The following NOS1 variants were observed in gnomAD, a reference collection of about 807,000 sequenced individuals.
NOS1 encodes the protein NOS type I.
In NOS1, 51 loss-of-function variants were observed where a neutral mutation model predicts 164.5. The ratio of observed to expected loss-of-function variants is 0.31; its 90% CI spans 0.25 to 0.39. The LOEUF (loss-of-function observed/expected upper bound fraction) is 0.39, where lower values mean the gene tolerates loss of function less well. Ranked by LOEUF, NOS1 falls within the 10% of genes least tolerant of loss-of-function variation. The pLI is 1.00. For missense variants in NOS1, 1,362 were observed against 1,885.6 expected, an observed-to-expected ratio of 0.72 and a Z score of 5.14; for synonymous variants, 719 against 745.8, an observed-to-expected ratio of 0.96 and a Z score of 0.59.
chr12:117,236,336 A>C (rs1869703358), intron 20 of NOS1, among the ~76,000 whole-genome samples: 1 of 152,198 alleles, frequency 6.6e-6, no homozygotes, highest in Admixed American at 6.5e-5. Context: ...TTTTGGCTCA[A>C]CCGAGAACCT....
chr12:117,320,927 C>A, intron 2 of NOS1, among the ~76,000 whole-genome samples: 1 of 152,290 alleles, frequency 6.6e-6, no homozygotes, highest in Admixed American at 6.5e-5. Flanking sequence ...TAATGCTCTA[C>A]CAAACCCCAA....
intron 13 of NOS1, among the ~76,000 whole-genome samples, chr12:117,262,772 T>C (rs1459948505): frequency 7.0e-6 from 1 of 143,842 alleles, no homozygotes; most frequent in African/African-American, 2.7e-5. Flanking sequence ...TTCTCTTTTT[T>C]TTGGGGCAGA....
chr12:117,211,617 A>T lies in NOS1; in HGVS notation c.*3692T>A. 1.0e-6 allele frequency: 1 copy of T among 985,416 alleles called. No homozygotes were observed. The highest frequency in any genetic ancestry group is 4.7e-5 in the South Asian group (1 of 21,284). 61.0% of individuals were successfully genotyped at this position (985,416 alleles called of 1,614,324 possible). Reference sequence around the variant, plus strand: ...TCCTCAGCCTTCCAAAGCCAGCCTCAATTTATCTTACATGCTCCCTGTCCG... The same window carrying T: ...TCCTCAGCCTTCCAAAGCCAGCCTCTATTTATCTTACATGCTCCCTGTCCG... On this transcript the variant is annotated 3_prime_UTR_variant, in exon 29 of 29. Transcript: ENST00000317775.
At chr12:117,329,527 A>G (rs1875422425) in intron 2 of NOS1, among the ~76,000 whole-genome samples, 1 of 151,844 alleles carries the variant, frequency 6.6e-6, no homozygotes, top group African/African-American at 2.4e-5. Flanking sequence ...CTAAGATGCA[A>G]ATGGAAGGGG....
intron 1 of NOS1, among the ~76,000 whole-genome samples, chr12:117,340,524 C>CT (rs1396871852): frequency 6.6e-6 from 1 of 151,780 alleles, no homozygotes; most frequent in African/African-American, 2.4e-5. Context: ...ATGTTTTCTC[C>CT]TTTTTTATTT....
Position 117,243,537 on chromosome 12 carries a change from C to CCAT in NOS1, c.2824-105_2824-103dup, listed in dbSNP as rs1478507292. The CCAT allele has an allele frequency of 5.4e-6, 7 of 1,291,958 alleles. No homozygotes were observed. Among genetic ancestry groups the CCAT allele is most frequent in the Non-Finnish European group, 7.5e-6 (7 of 930,826 alleles). The allele number at this position is 1,291,958 out of a possible 1,614,324, so 80.0% of individuals were successfully genotyped here. A position where few individuals can be genotyped will look rare whatever the true frequency, so the allele number is the denominator to read the frequency against. ...TGTATCTCTTCATTCACCCATCCATCCATCTATCCAACCATCCATCCATCC... is the reference window on the plus strand; with the variant it reads ...TGTATCTCTTCATTCACCCATCCATCCATCATCTATCCAACCATCCATCCATCC... On this transcript the variant is annotated intron_variant, in intron 18 of 28. Coordinates refer to ENST00000317775, the MANE Select transcript of NOS1 (RefSeq NM_000620.5). This position sits in a 1 kb window ranked among gnomAD's most constrained non-coding sequence, Gnocchi z 4.3.
chr12:117,300,463 C>T (rs1873744946), intron 3 of NOS1, among the ~76,000 whole-genome samples: 1 of 152,206 alleles, frequency 6.6e-6, no homozygotes, highest in African/African-American at 2.4e-5. Context: ...CTGGCTCTGA[C>T]CACCCAGGAC....
In NOS1 at chr12:117,210,999, C is replaced by G. The variant is rs956720183; in HGVS notation, c.*4310G>C. 2.2e-6 allele frequency: 2 copies of G among 905,204 alleles called. No individual in the cohort carries two copies. The highest frequency in any genetic ancestry group is 3.6e-5 in the African/African-American group (2 of 55,434). The allele number at this position is 905,204 out of a possible 1,614,324, so 56.1% of individuals were successfully genotyped here. The stretch of plus-strand genomic sequence containing the variant: ...GAGATAAGAGTCTTGCTCTGTCACC[C>G]AGGCTGGAGTGCAGTGGTACAATCT... On this transcript the variant is annotated 3_prime_UTR_variant, in exon 29 of 29. Transcript: ENST00000317775.
At chr12:117,304,224 A>T (rs1217533873) in intron 3 of NOS1, among the ~76,000 whole-genome samples, 2 of 152,148 alleles carry the variant, frequency 1.3e-5, no homozygotes, top group African/African-American at 4.8e-5. Context: ...TTAGCACCAA[A>T]GGCAACCTCA....
intron 1 of NOS1, among the ~76,000 whole-genome samples, chr12:117,341,903 G>A (rs1045503961): frequency 6.6e-6 from 1 of 152,138 alleles, no homozygotes; most frequent in South Asian, 2.1e-4. Context: ...TGGTACTGTT[G>A]ACTATTATTT....
At chr12:117,307,320 T>C (rs766665688) in intron 3 of NOS1, among the ~76,000 whole-genome samples, 2 of 151,936 alleles carry the variant, frequency 1.3e-5, no homozygotes, top group African/African-American at 2.4e-5. Flanking sequence ...AGAAAGACTT[T>C]TGTGTGTGTA....
Position 117,231,981 on chromosome 12 carries a change from C to T in NOS1, c.3386G>A (p.Arg1129His), listed in dbSNP as rs78422671. The T allele has an allele frequency of 3.6e-5, 58 of 1,612,598 alleles. 1 individual carries two copies. The highest frequency in any genetic ancestry group is 2.4e-4 in the African/African-American group (18 of 75,016). ...ACCCACCTTGCTGAGGACCAGCAGACGCTGCTTCTCCTTCTCGCTGGTAGC... is the reference window on the plus strand; with the variant it reads ...ACCCACCTTGCTGAGGACCAGCAGATGCTGCTTCTCCTTCTCGCTGGTAGC... ...SLATSEKEKQ[R>H]LLVLSKGLQE... The change falls in exon 22 of 29, where the codon CGT becomes CAT. Residue 1129 changes from arginine to histidine, a missense_variant. Arg to His is a conservative substitution (Grantham distance 29). Coordinates refer to ENST00000317775, the MANE Select transcript of NOS1 (RefSeq NM_000620.5).
intron 22 of NOS1, among the ~76,000 whole-genome samples, chr12:117,231,722 C>G (rs1869249330): frequency 6.6e-6 from 1 of 152,156 alleles, no homozygotes; most frequent in African/African-American, 2.4e-5. Context: ...GTTAGAATAG[C>G]AATTTCTGTT....
At chr12:117,327,713 T>A (rs471871) in intron 2 of NOS1, among the ~76,000 whole-genome samples, 104,176 of 152,068 alleles carry the variant, frequency 0.69, 38,126 homozygotes, top group Non-Finnish European at 0.81. Context: ...GTCCAAGACT[T>A]TTGGTCTTCC....
At position 117,214,862 on chromosome 12, in the gene NOS1, CACACAG is replaced by C. The variant is rs1054456370; in HGVS notation, c.*441_*446del. 1.1e-4 allele frequency: 104 copies of C among 984,032 alleles called. No individual in the cohort carries two copies. In the East Asian group the frequency reaches 3.1e-3, roughly 29 times the overall value. The allele number at this position is 984,032 out of a possible 1,614,324, so 61.0% of individuals were successfully genotyped here. On this transcript the variant is annotated 3_prime_UTR_variant, in exon 29 of 29. Transcript: ENST00000317775. The stretch of plus-strand genomic sequence containing the variant: ...ACACACACACACACACACACACACA[CACACAG>C]GCACGCACAACCAAAATGTCATCAT...
rs76848642 is a variant in NOS1 at position 117,356,255 on chromosome 12, C to A, written c.-421+5257G>T. ...CTCTGAGTCACAGAATCCACAAGTG[C>A]CCAAGCTGGCCTCTGACGTTTCCTA... On this transcript the variant is annotated intron_variant, in intron 1 of 28. Transcript: ENST00000317775. The surrounding 1 kb of genome is among the most constrained non-coding windows in gnomAD (Gnocchi z 4.2). Among the ~76,000 whole-genome samples, 1,342 of 152,242 alleles carry A rather than the reference C, an allele frequency of 8.8e-3. 24 individuals are homozygous for A. The highest frequency in any genetic ancestry group is 0.031 in the African/African-American group (1,277 of 41,542).
chr12:117,258,534 C>T (rs745641309), intron 15 of NOS1, 79 bp from the exon 16 acceptor site: 16 of 1,453,424 alleles, frequency 1.1e-5, no homozygotes, highest in Non-Finnish European at 1.5e-5. Context: ...GGTCTGGGGT[C>T]CTGGCTGTCA....
chr12:117,222,686 G>C, intron 26 of NOS1, 29 bp downstream of exon 26: 1 of 1,609,888 alleles, frequency 6.2e-7, no homozygotes, highest in Non-Finnish European at 8.5e-7. Context: ...GTGTTGGGCT[G>C]GGCTAGGGGG....
intron 3 of NOS1, among the ~76,000 whole-genome samples, chr12:117,298,410 C>T (rs910159533): frequency 6.6e-6 from 1 of 152,160 alleles, no homozygotes; most frequent in African/African-American, 2.4e-5. Flanking sequence ...TCCTGCTGTG[C>T]AGCCCAGCTC....
Sources: allele counts gnomAD v4.1 joint callset (sites outside exome capture counted in the v4.1 genomes callset), GRCh38; gene constraint gnomAD v4.1.1; non-coding constraint Gnocchi (gnomAD v3.1); transcripts MANE v1.5; gene names NCBI Gene and HGNC (gene_info 2026-07-23, HGNC 2026-07-21).